The following PCDH15 variants were observed in gnomAD, a reference collection of about 807,000 sequenced individuals.
The protein encoded by PCDH15 is protocadherin related 15, also known as protocadherin-15.
In PCDH15, 129 loss-of-function variants were observed where a neutral mutation model predicts 178.5. The ratio of observed to expected loss-of-function variants is 0.72; its 90% CI spans 0.63 to 0.84. PCDH15 has a LOEUF of 0.84. Among genes scored for constraint, PCDH15 ranks in the 40% least tolerant of loss-of-function variants. PCDH15 has a pLI of 0.00. For synonymous variants in PCDH15, 800 were observed against 732.0 expected, an observed-to-expected ratio of 1.09 and a Z score of -1.50; for missense variants, 2,230 against 2,099.9, an observed-to-expected ratio of 1.06 and a Z score of -1.21.
chr10:54,896,715 G>A (rs1034859150), intron 3 of PCDH15, among the ~76,000 whole-genome samples: 92 of 152,042 alleles, frequency 6.1e-4, no homozygotes, highest in African/African-American at 2.2e-3. Flanking sequence ...CACTCAGGCA[G>A]AACAACATTG....
chr10:54,918,092 A>G (rs1249352310), intron 2 of PCDH15, among the ~76,000 whole-genome samples: 3 of 150,806 alleles, frequency 2.0e-5, no homozygotes, highest in Non-Finnish European at 4.4e-5. Flanking sequence ...CATAACCCAA[A>G]CAATAGCTAT....
At position 55,048,147 on chromosome 10, in the gene PCDH15, T is replaced by C. The variant is rs550063360; in HGVS notation, c.-80+118429A>G. ...AAAAGGAGGAGAATCATGAAAAAAG[T>C]CACTTTTCTAAAAGAGAGTTACTGA... On this transcript the variant is annotated intron_variant, in intron 2 of 5. Coordinates refer to the PCDH15 transcript ENST00000458638. 1.2e-4 allele frequency among the ~76,000 whole-genome samples: 19 copies of C among 152,002 alleles called. No individual in the cohort carries two copies. The East Asian group carries it at 2.9e-3, about 23-fold the overall frequency.
intron 1 of PCDH15, among the ~76,000 whole-genome samples, chr10:54,776,662 G>A (rs998384947): frequency 6.6e-6 from 1 of 152,144 alleles, no homozygotes; most frequent in African/African-American, 2.4e-5. Flanking sequence ...TACAGAAAAT[G>A]CAAATAAATA....
chr10:54,785,799 T>A lies in PCDH15; in HGVS notation c.-29+15126A>T, dbSNP rs557831155. On this transcript the variant is annotated intron_variant, in intron 1 of 37. Coordinates refer to ENST00000644397, the MANE Select transcript of PCDH15 (RefSeq NM_001384140.1). ...TTCTGCAGAGACAGACATTTTTTTT[T>A]AAAAGGCATCCTATGCTTGACTCTA... 2.8e-3 allele frequency among the ~76,000 whole-genome samples: 428 copies of A among 152,052 alleles called. 3 individuals are homozygous for A. Among genetic ancestry groups the A allele is most frequent in the Middle Eastern group, 6.8e-3 (2 of 294 alleles).
chr10:54,571,132 T>C (rs10509015), intron 2 of PCDH15, among the ~76,000 whole-genome samples: 142,475 of 152,126 alleles, frequency 0.94, 66,993 homozygotes, highest in Middle Eastern at 0.98. Context: ...ACAACGATTA[T>C]AAGAGGAACT....
intron 2 of PCDH15, among the ~76,000 whole-genome samples, chr10:54,528,608 C>G (rs2083588656): frequency 6.6e-6 from 1 of 151,974 alleles, no homozygotes; most frequent in Admixed American, 6.6e-5. Flanking sequence ...AACACATTCA[C>G]TGGATAATAC....
At chr10:54,665,419 C>T (rs903660632) in intron 1 of PCDH15, among the ~76,000 whole-genome samples, 22 of 151,966 alleles carry the variant, frequency 1.4e-4, no homozygotes, top group African/African-American at 5.3e-4. Flanking sequence ...CTCAAGTTCT[C>T]CAGTTTTCTA....
chr10:55,357,489 A>G (rs1377062541), intron 2 of PCDH15, among the ~76,000 whole-genome samples: 2 of 151,918 alleles, frequency 1.3e-5, no homozygotes, highest in Non-Finnish European at 2.9e-5. Flanking sequence ...TCAGTTAGCT[A>G]TGTCATCTGG....
chr10:54,051,070 C>G (rs2610888), intron 18 of PCDH15, among the ~76,000 whole-genome samples: 2,420 of 152,188 alleles, frequency 0.016, 58 homozygotes, highest in African/African-American at 0.055. Flanking sequence ...TGAGGCTTCC[C>G]CAGACATGCT....
chr10:55,063,476 G>T (rs994783256), intron 2 of PCDH15, among the ~76,000 whole-genome samples: 1 of 151,964 alleles, frequency 6.6e-6, no homozygotes, highest in Non-Finnish European at 1.5e-5. Context: ...TAATTTTATT[G>T]TGCCATTTTT....
In PCDH15 at chr10:54,357,027, A is replaced by T. The variant is rs1382944549; in HGVS notation, c.475-10543T>A. ...GACTTATCTCAAAATAATAAGAGCT[A>T]TCAATGACAAACCCACAGCCAATAT... On this transcript the variant is annotated intron_variant, in intron 5 of 37. Coordinates refer to ENST00000644397, the MANE Select transcript of PCDH15 (RefSeq NM_001384140.1). 2.6e-5 allele frequency among the ~76,000 whole-genome samples: 4 copies of T among 152,176 alleles called. No homozygotes were observed. The East Asian group carries it at 7.7e-4, about 29-fold the overall frequency.
chr10:55,494,440 ATAT>A lies in PCDH15; in HGVS notation c.-156+133182_-156+133184del, dbSNP rs1200915382. On this transcript the variant is annotated intron_variant, in intron 2 of 5. Coordinates refer to the PCDH15 transcript ENST00000613346. ...GGATTGTTTAATATATTCATTTGTA[ATAT>A]TATTATTTTTGTGGTTGAATTTACA... Among the ~76,000 whole-genome samples the A allele has an allele frequency of 1.2e-4, 18 of 151,596 alleles. 1 individual carries two copies. The highest frequency in any genetic ancestry group is 4.3e-4 in the African/African-American group (18 of 41,442).
intron 2 of PCDH15, among the ~76,000 whole-genome samples, chr10:55,347,472 A>G (rs1239538582): frequency 6.6e-6 from 1 of 152,202 alleles, no homozygotes; most frequent in Non-Finnish European, 1.5e-5. Context: ...AAGCAACCAT[A>G]AATTATACAC....
At chr10:54,423,016 G>A (rs892040255) in intron 3 of PCDH15, among the ~76,000 whole-genome samples, 4 of 152,118 alleles carry the variant, frequency 2.6e-5, no homozygotes, top group African/African-American at 9.7e-5. Context: ...TAAGTATTAT[G>A]TGTTTTGTTT....
At chr10:55,330,610 G>T (rs1844174907) in intron 2 of PCDH15, among the ~76,000 whole-genome samples, 1 of 151,776 alleles carries the variant, frequency 6.6e-6, no homozygotes, top group African/African-American at 2.4e-5. Context: ...AGCAGTCCTA[G>T]ATATTTTACA....
At chr10:55,452,994 A>G (rs749290367) in intron 2 of PCDH15, among the ~76,000 whole-genome samples, 32 of 152,204 alleles carry the variant, frequency 2.1e-4, no homozygotes, top group Non-Finnish European at 3.1e-4. Context: ...AATATAAAGC[A>G]CTATCTCTGC....
At chr10:55,119,869 C>T (rs539255245) in intron 2 of PCDH15, among the ~76,000 whole-genome samples, 1 of 152,174 alleles carries the variant, frequency 6.6e-6, no homozygotes, top group East Asian at 1.9e-4. Context: ...ATAGGAGAGA[C>T]TTAGTATATA....
chr10:55,049,672 C>T (rs1210468364), intron 2 of PCDH15, among the ~76,000 whole-genome samples: 4 of 151,836 alleles, frequency 2.6e-5, no homozygotes, highest in Admixed American at 6.6e-5. Flanking sequence ...AACAAACAGA[C>T]GTGGTGACTG....
intron 2 of PCDH15, among the ~76,000 whole-genome samples, chr10:54,632,134 C>T (rs1353256405): frequency 2.0e-5 from 3 of 152,112 alleles, no homozygotes; most frequent in Admixed American, 6.6e-5. Flanking sequence ...CTTACAGCAA[C>T]ATGGATGCAG....
Sources: gnomAD v4.1 joint callset for allele counts (sites outside exome capture counted in the v4.1 genomes callset) on GRCh38, gnomAD v4.1.1 for gene constraint, MANE v1.5 for transcripts, NCBI Gene and HGNC (gene_info 2026-07-23, HGNC 2026-07-21) for gene names.